The following PARL variants were observed in gnomAD, a reference collection of about 807,000 sequenced individuals.
PARL encodes the protein presenilin associated rhomboid like.
PARL carries 44 observed loss-of-function variants against 51.6 expected under a neutral mutation model. The observed-to-expected ratio is 0.85, with a 90% CI of 0.67 to 1.10. The LOEUF (loss-of-function observed/expected upper bound fraction) is 1.10. Among genes scored for constraint, PARL ranks in the 50% least tolerant of loss-of-function variants. PARL has a pLI of 0.00. For synonymous variants in PARL, 172 were observed against 164.0 expected, an observed-to-expected ratio of 1.05 and a Z score of -0.37; for missense variants, 441 against 469.5, an observed-to-expected ratio of 0.94 and a Z score of 0.56.
intron 7 of PARL, among the ~76,000 whole-genome samples, chr3:183,835,161 T>TAA (rs34212336): frequency 0.052 from 7,532 of 143,798 alleles, 646 homozygotes; most frequent in African/African-American, 0.18. Flanking sequence ...ATGAGATGTT[T>TAA]AAAAAAAAAA....
intron 4 of PARL, among the ~76,000 whole-genome samples, chr3:183,845,809 G>A (rs544535186): frequency 1.3e-5 from 2 of 152,256 alleles, no homozygotes; most frequent in South Asian, 4.1e-4. Context: ...CTTTGGGAGA[G>A]TTAATCATCT....
intron 2 of PARL, among the ~76,000 whole-genome samples, chr3:183,867,616 T>C (rs1378078574): frequency 1.3e-5 from 2 of 150,810 alleles, no homozygotes; most frequent in Admixed American, 1.3e-4. Context: ...AGGAGAATGG[T>C]GTGAACCCAG....
chr3:183,854,730 G>GTT lies in PARL; in HGVS notation c.511+8021_511+8022dup, dbSNP rs1349130456. ...AAATGATTAAGATGGTATATTTCAT[G>GTT]TTTTTTTTTTTTACAATTAAAAAAA... On this transcript the variant is annotated intron_variant, in intron 4 of 9. Coordinates refer to ENST00000317096, the MANE Select transcript of PARL (RefSeq NM_018622.7). 3.0e-3 allele frequency among the ~76,000 whole-genome samples: 365 copies of GTT among 122,980 alleles called. 1 individual carries two copies. The highest frequency in any genetic ancestry group is 0.011 in the African/African-American group (354 of 33,502). The allele number at this position is 122,980 out of a possible 152,430, so 80.7% of individuals were successfully genotyped here. A position where few individuals can be genotyped will look rare whatever the true frequency, so the allele number is the denominator to read the frequency against.
intron 5 of PARL, among the ~76,000 whole-genome samples, chr3:183,844,023 A>G (rs1205550905): frequency 6.6e-6 from 1 of 152,196 alleles, no homozygotes; most frequent in African/African-American, 2.4e-5. Flanking sequence ...TGGGCAACAG[A>G]GGAAGACTCC....
chr3:183,834,908 A>AAAT (rs1324645507), intron 7 of PARL, among the ~76,000 whole-genome samples: 4 of 129,384 alleles, frequency 3.1e-5, no homozygotes, highest in African/African-American at 8.1e-5. Flanking sequence ...AAAAAAAAAA[A>AAAT]ATTAGCTGGG....
intron 4 of PARL, among the ~76,000 whole-genome samples, chr3:183,859,583 T>C (rs1225089957): frequency 6.6e-6 from 1 of 151,942 alleles, no homozygotes; most frequent in Non-Finnish European, 1.5e-5. Context: ...GTGATCCACC[T>C]CCCAAAAGTG....
Position 183,829,611 on chromosome 3 carries a change from C to A in PARL, c.1127G>T (p.Gly376Val). The A allele has an allele frequency of 6.2e-7, 1 of 1,614,146 alleles. No individual in the cohort carries two copies. ...EIRTNGPKKG[G>V]GSK ...CCAATCCCAGTTTTACTTAGAGCCA[C>A]CTCCTTTTTTGGGGCCATTAGTCCT... Residue 376 changes from glycine (G) to valine (V), a missense_variant, in exon 10 of 10, where the codon GGT becomes GTT. Coordinates refer to ENST00000317096, the MANE Select transcript of PARL (RefSeq NM_018622.7).
chr3:183,880,446 G>T (rs1316304546), intron 1 of PARL, among the ~76,000 whole-genome samples: 1 of 152,098 alleles, frequency 6.6e-6, no homozygotes, highest in African/African-American at 2.4e-5. Context: ...CTGCTGCCCA[G>T]GTTGGAGTGT....
chr3:183,845,110 C>T (rs1729794888), intron 4 of PARL, among the ~76,000 whole-genome samples: 1 of 152,122 alleles, frequency 6.6e-6, no homozygotes, highest in South Asian at 2.1e-4. Flanking sequence ...ATTTGTCATT[C>T]CTCCAGTCTC....
intron 7 of PARL, among the ~76,000 whole-genome samples, chr3:183,838,704 C>T (rs998699546): frequency 6.6e-6 from 1 of 152,164 alleles, no homozygotes; most frequent in Non-Finnish European, 1.5e-5. Context: ...AGAAATCACA[C>T]GTAAGTAGCA....
intron 1 of PARL, chr3:183,883,694 G>T: frequency 3.0e-6 from 3 of 984,888 alleles, no homozygotes; most frequent in Non-Finnish European, 3.6e-6. Context: ...CTATGTTAGT[G>T]TATGAAGATA....
At chr3:183,864,520 T>C (rs191045409) in intron 3 of PARL, among the ~76,000 whole-genome samples, 22 of 152,198 alleles carry the variant, frequency 1.4e-4, no homozygotes, top group African/African-American at 5.3e-4. Flanking sequence ...CTCATGCCTG[T>C]AATCCCAGCA....
chr3:183,851,020 G>T (rs1265295011), intron 4 of PARL, among the ~76,000 whole-genome samples: 1 of 152,130 alleles, frequency 6.6e-6, no homozygotes, highest in Non-Finnish European at 1.5e-5. Context: ...CCTGATTTTT[G>T]ACTAAGGTTC....
In PARL at chr3:183,872,248, C is replaced by T. The variant is rs558395927; in HGVS notation, c.126-4188G>A. On this transcript the variant is annotated intron_variant, in intron 1 of 9. Coordinates refer to ENST00000317096, the MANE Select transcript of PARL (RefSeq NM_018622.7). ...AACTCCTGACCTCAGATGATCCACC[C>T]GCCTCGGCCTCCCAAAGTGCTGGGA... Among the ~76,000 whole-genome samples the T allele has an allele frequency of 3.3e-5, 5 of 152,196 alleles. 1 individual carries two copies. Among genetic ancestry groups the T allele is most frequent in the South Asian group, 4.2e-4 (2 of 4,816 alleles).
chr3:183,831,128 AC>A (rs1727889389), intron 9 of PARL, among the ~76,000 whole-genome samples: 1 of 152,038 alleles, frequency 6.6e-6, no homozygotes. Flanking sequence ...GGCATGCACC[AC>A]CACGCCCGGC....
At chr3:183,870,709 A>G (rs1733090173) in intron 1 of PARL, among the ~76,000 whole-genome samples, 2 of 152,106 alleles carry the variant, frequency 1.3e-5, no homozygotes, top group South Asian at 4.2e-4. Context: ...CATCAAACTC[A>G]GCACACATCC....
At chr3:183,876,112 T>C (rs1229792506) in intron 1 of PARL, among the ~76,000 whole-genome samples, 2 of 152,206 alleles carry the variant, frequency 1.3e-5, no homozygotes, top group African/African-American at 4.8e-5. Flanking sequence ...AGTGGCACTA[T>C]CTCAGCTCAC....
intron 7 of PARL, 87 bp downstream of exon 7, chr3:183,840,483 A>G: frequency 2.9e-6 from 2 of 688,280 alleles, no homozygotes; most frequent in South Asian, 3.8e-5. Context: ...ACCTCTTATC[A>G]ATTTTACAAC....
chr3:183,837,964 T>C (rs1256117677), intron 7 of PARL, among the ~76,000 whole-genome samples: 3 of 151,820 alleles, frequency 2.0e-5, no homozygotes, highest in Non-Finnish European at 4.4e-5. Flanking sequence ...AGTTTAAAAA[T>C]TATCCAGGAT....
Sources: allele counts gnomAD v4.1 joint callset (sites outside exome capture counted in the v4.1 genomes callset), GRCh38; gene constraint gnomAD v4.1.1; transcripts MANE v1.5; gene names NCBI Gene and HGNC (gene_info 2026-07-23, HGNC 2026-07-21).